The following ANAPC4 variants were observed in gnomAD, a reference collection of about 807,000 sequenced individuals.
ANAPC4 encodes the protein anaphase promoting complex subunit 4.
In ANAPC4, 63 loss-of-function variants were observed where a neutral mutation model predicts 119.8. That is an observed-to-expected ratio of 0.53 (90% confidence interval 0.43 to 0.65). The LOEUF (loss-of-function observed/expected upper bound fraction) is 0.65, where lower values mean the gene tolerates loss of function less well. ANAPC4 is among the 30% of genes least tolerant of loss of function. The pLI is 0.00. For synonymous variants in ANAPC4, 283 were observed against 318.6 expected (o/e 0.89, Z 1.19); for missense variants, 716 against 945.1 (o/e 0.76, Z 3.18).
chr4:25,415,644 G>GCT, intron 26 of ANAPC4, 104 bp downstream of exon 26: 1 of 886,532 alleles, frequency 1.1e-6, no homozygotes, highest in Non-Finnish European at 1.7e-6. Flanking sequence ...AGGTAAAAGG[G>GCT]CTTTGCCACT....
Position 25,377,290 on chromosome 4 carries a change from A to AG in ANAPC4, c.-62dup. 8.2e-7 allele frequency: 1 copy of AG among 1,213,676 alleles called. No individual in the cohort carries two copies. Among genetic ancestry groups the AG allele is most frequent in the Non-Finnish European group, 1.1e-6 (1 of 901,600 alleles). The allele number at this position is 1,213,676 out of a possible 1,614,324, so 75.2% of individuals were successfully genotyped here. A position where few individuals can be genotyped will look rare whatever the true frequency, so the allele number is the denominator to read the frequency against. On this transcript the variant is annotated 5_prime_UTR_variant, in exon 1 of 29. Transcript: ENST00000315368. ...GGAGGCTGTGGCGCGCGGCCGGCAGAGGGAGGGGAGAGGCCACTGGGGCCG... is the reference window on the plus strand; with the variant it reads ...GGAGGCTGTGGCGCGCGGCCGGCAGAGGGGAGGGGAGAGGCCACTGGGGCCG...
intron 28 of ANAPC4, 104 bp downstream of exon 28, chr4:25,417,843 A>G: frequency 1.4e-6 from 2 of 1,421,172 alleles, no homozygotes; most frequent in Non-Finnish European, 1.9e-6. Flanking sequence ...TTTTGTGCAA[A>G]TATTTTTACT....
intron 21 of ANAPC4, among the ~76,000 whole-genome samples, chr4:25,411,324 T>C (rs1486726448): frequency 6.6e-6 from 1 of 152,204 alleles, no homozygotes; most frequent in Non-Finnish European, 1.5e-5. Context: ...CAGGGAACTT[T>C]GCCAGGCTAA....
intron 17 of ANAPC4, among the ~76,000 whole-genome samples, chr4:25,403,568 C>G (rs1723095513): frequency 6.6e-6 from 1 of 152,140 alleles, no homozygotes; most frequent in South Asian, 2.1e-4. Context: ...GAGTCTCTGT[C>G]CTTGGGTAGC....
At chr4:25,390,777 C>T in intron 8 of ANAPC4, 134 bp from the exon 9 acceptor site, 1 of 634,942 alleles carries the variant, frequency 1.6e-6, no homozygotes, top group Non-Finnish European at 2.7e-6. Context: ...CTACCTTCAT[C>T]TGCTACATGT....
intron 16 of ANAPC4, among the ~76,000 whole-genome samples, chr4:25,400,064 T>C (rs1034292676): frequency 6.6e-6 from 1 of 152,154 alleles, no homozygotes; most frequent in African/African-American, 2.4e-5. Context: ...TAGGGAGTGA[T>C]GGGAGCTGGT....
chr4:25,415,860 A>G (rs529841214), intron 26 of ANAPC4: 18 of 232,534 alleles, frequency 7.7e-5, no homozygotes, highest in African/African-American at 4.0e-4. Flanking sequence ...ACCAAAAAAA[A>G]TTATGAGGTG....
At chr4:25,412,191 A>G (rs1231176356) in intron 21 of ANAPC4, among the ~76,000 whole-genome samples, 1 of 152,206 alleles carries the variant, frequency 6.6e-6, no homozygotes. Flanking sequence ...GTGCTATATC[A>G]GGCAGGGTAT....
intron 20 of ANAPC4, 47 bp from the exon 21 acceptor site, chr4:25,409,651 C>T: frequency 1.4e-6 from 2 of 1,391,472 alleles, no homozygotes; most frequent in Non-Finnish European, 2.0e-6. Context: ...TTTCCATTTT[C>T]CCTTCCAGGT....
At position 25,409,653 on chromosome 4, in the gene ANAPC4, C is replaced by T. The variant is rs548083122; in HGVS notation, c.1432-45C>T. The T allele has an allele frequency of 3.1e-5, 43 of 1,409,440 alleles. No homozygotes were observed. The African/African-American group carries it at 4.5e-4, about 15-fold the overall frequency. 87.3% of individuals were successfully genotyped at this position (1,409,440 alleles called of 1,614,324 possible). A position where few individuals can be genotyped will look rare whatever the true frequency, so the allele number is the denominator to read the frequency against. On this transcript the variant is annotated intron_variant, in intron 20 of 28. Transcript: ENST00000315368. The stretch of plus-strand genomic sequence containing the variant: ...TACTTTTTTTCTTTTTCCATTTTCC[C>T]TTCCAGGTATGAATAAACTTAAATT...
At chr4:25,379,715 G>C (rs1721609797) in intron 2 of ANAPC4, among the ~76,000 whole-genome samples, 1 of 152,178 alleles carries the variant, frequency 6.6e-6, no homozygotes, top group South Asian at 2.1e-4. Context: ...TCAAATCCAG[G>C]GGATGTTGTA....
chr4:25,417,606 C>A lies in ANAPC4; in HGVS notation c.2076-10C>A. On this transcript the variant is annotated splice_polypyrimidine_tract_variant and intron_variant, in intron 27 of 28. Transcript: ENST00000315368. ...TTTTCATTCCTGAGTTGGTTTTTTT[C>A]CCTCTTTAGGCTAGATGAACAGTGT... 2 of 1,569,964 alleles carry A rather than the reference C, an allele frequency of 1.3e-6. No individual in the cohort carries two copies. Among genetic ancestry groups the A allele is most frequent in the Non-Finnish European group, 1.7e-6 (2 of 1,162,636 alleles).
chr4:25,415,332 C>A, intron 25 of ANAPC4, 134 bp from the exon 26 acceptor site: 1 of 586,814 alleles, frequency 1.7e-6, no homozygotes, highest in Non-Finnish European at 2.9e-6. Flanking sequence ...TCTATCTAGG[C>A]ATTTAAACAA....
intron 21 of ANAPC4, among the ~76,000 whole-genome samples, chr4:25,412,482 G>A (rs981956830): frequency 2.0e-5 from 3 of 152,046 alleles, no homozygotes; most frequent in Non-Finnish European, 4.4e-5. Context: ...CCAGCCAAGA[G>A]TTGCCTCATT....
At chr4:25,392,475 C>G in intron 10 of ANAPC4, 54 bp downstream of exon 10, 1 of 1,460,590 alleles carries the variant, frequency 6.8e-7, no homozygotes, top group Non-Finnish European at 9.5e-7. Context: ...TTCTAAAGTT[C>G]TGTAAATAAA....
At chr4:25,412,643 C>T (rs934672657) in intron 21 of ANAPC4, among the ~76,000 whole-genome samples, 1 of 151,708 alleles carries the variant, frequency 6.6e-6, no homozygotes, top group Non-Finnish European at 1.5e-5. Flanking sequence ...TCCTGTTACT[C>T]GGGACACTGA....
chr4:25,409,232 G>T (rs1034190369), intron 20 of ANAPC4, among the ~76,000 whole-genome samples: 2 of 152,190 alleles, frequency 1.3e-5, no homozygotes, highest in Non-Finnish European at 2.9e-5. Flanking sequence ...ATTGACAATG[G>T]ATACTTATGA....
intron 8 of ANAPC4, 48 bp from the exon 9 acceptor site, chr4:25,390,863 A>T: frequency 7.1e-7 from 1 of 1,415,660 alleles, no homozygotes. Flanking sequence ...AATCAGCTTC[A>T]ACCTAGCAGT....
At position 25,396,753 on chromosome 4, in the gene ANAPC4, C is replaced by T. The variant is rs772961792; in HGVS notation, c.1151C>T (p.Ala384Val). The change falls in exon 15 of 29, where the codon GCA becomes GTA. Residue 384 changes from alanine (A) to valine (V), a missense_variant. By Grantham distance (64) the Ala-to-Val change is moderately conservative (BLOSUM62 0). Around this residue, in one of 3 missense-constraint regions of ANAPC4, gnomAD observed 504 missense variants for 615.8 expected, o/e 0.82. Coordinates refer to ENST00000315368, the MANE Select transcript of ANAPC4 (RefSeq NM_013367.3). ...TATGAACCTCTTGGACTAGATGCTG[C>T]AGGAATCGAAGGTAGTGATTTAATT... ...QKYEPLGLDA[A>V]GIEEAITAVG... is the part of the protein sequence containing the mutation. 1 of 1,612,980 alleles carries T rather than the reference C, an allele frequency of 6.2e-7. No individual in the cohort carries two copies. The highest frequency in any genetic ancestry group is 8.5e-7 in the Non-Finnish European group (1 of 1,179,584).
Sources: gnomAD v4.1 joint callset for allele counts (sites outside exome capture counted in the v4.1 genomes callset) on GRCh38, gnomAD v4.1.1 for gene constraint, gnomAD v4.1.1 regional missense constraint, MANE v1.5 for transcripts, NCBI Gene and HGNC (gene_info 2026-07-23, HGNC 2026-07-21) for gene names.